SLC30A10: variants seen among roughly 807,000 people sequenced by gnomAD.
SLC30A10 encodes the protein calcium/manganese antiporter SLC30A10.
A neutral mutation model predicts 21.7 loss-of-function variants in SLC30A10; 8 were observed. That is an observed-to-expected ratio of 0.37 (90% CI 0.22 to 0.67). The LOEUF is 0.67. SLC30A10 is among the 30% of genes least tolerant of loss of function. The pLI is 0.58. For missense variants in SLC30A10, 521 were observed against 642.5 expected (o/e 0.81, Z 2.04); for synonymous variants, 272 against 279.4 (o/e 0.97, Z 0.26).
Position 219,927,838 on chromosome 1 carries a change from C to T in SLC30A10, c.603G>A (p.Lys201=), listed in dbSNP as rs776981579. 1 of 1,548,668 alleles carries T rather than the reference C, an allele frequency of 6.5e-7. No individual in the cohort carries two copies. The highest frequency in any genetic ancestry group is 1.2e-5 in the South Asian group (1 of 84,004). The change falls in exon 1 of 4, where the codon AAG becomes AAA. Residue 201 remains lysine, a synonymous_variant. Transcript: ENST00000366926. ...CGAACACGGTCGCCCCCTTCTCCCGCTTCCTTTCCACCGAGGTCCCCCGGA... is the reference window on the plus strand; with the variant it reads ...CGAACACGGTCGCCCCCTTCTCCCGTTTCCTTTCCACCGAGGTCCCCCGGA... ...VTLRGTSVER[K]REKGATVFAN...
At chr1:219,927,399 G>C (rs1659854586) in intron 1 of SLC30A10, among the ~76,000 whole-genome samples, 2 of 151,992 alleles carry the variant, frequency 1.3e-5, no homozygotes, top group African/African-American at 2.4e-5. Context: ...GGCAAAGAGG[G>C]GGGGAGAACA....
upstream of SLC30A10, among the ~76,000 whole-genome samples, chr1:219,930,513 G>C (rs1490268517): frequency 6.6e-6 from 1 of 151,992 alleles, no homozygotes; most frequent in Non-Finnish European, 1.5e-5. Flanking sequence ...CTAACCTCTA[G>C]CCCTATTCAT....
At chr1:219,935,331 T>G (rs1435469025) in intron 1 of SLC30A10, among the ~76,000 whole-genome samples, 1 of 152,200 alleles carries the variant, frequency 6.6e-6, no homozygotes, top group Admixed American at 6.5e-5. Context: ...TTCGCCTTAA[T>G]TTTTAGACTA....
upstream of SLC30A10, among the ~76,000 whole-genome samples, chr1:219,932,788 G>T (rs551849433): frequency 6.7e-6 from 1 of 148,380 alleles, no homozygotes; most frequent in East Asian, 2.0e-4. Flanking sequence ...GAGGCCAGGC[G>T]AGGTGGCTCA....
intron 1 of SLC30A10, among the ~76,000 whole-genome samples, chr1:219,950,405 C>G (rs373092181): frequency 6.6e-6 from 1 of 152,108 alleles, no homozygotes; most frequent in South Asian, 2.1e-4. Flanking sequence ...TTTGGGAGGC[C>G]GAGGTGGGTG....
intron 1 of SLC30A10, among the ~76,000 whole-genome samples, chr1:219,948,645 A>C (rs1660223544): frequency 6.6e-6 from 1 of 152,226 alleles, no homozygotes; most frequent in Non-Finnish European, 1.5e-5. Flanking sequence ...GTTAGACCTA[A>C]AACCACAAAA....
At chr1:219,957,294 A>G (rs1164700918) in intron 1 of SLC30A10, among the ~76,000 whole-genome samples, 1 of 152,186 alleles carries the variant, frequency 6.6e-6, no homozygotes, top group Non-Finnish European at 1.5e-5. Context: ...GAAAATCGAC[A>G]CAGAGGTAGG....
intron 1 of SLC30A10, among the ~76,000 whole-genome samples, chr1:219,936,453 C>T (rs894587838): frequency 5.3e-5 from 8 of 152,138 alleles, no homozygotes; most frequent in Admixed American, 3.9e-4. Flanking sequence ...CCCTGCTTTC[C>T]TGTGGTAAGA....
chr1:219,946,909 A>G (rs1660192512), intron 1 of SLC30A10, among the ~76,000 whole-genome samples: 1 of 152,158 alleles, frequency 6.6e-6, no homozygotes, highest in African/African-American at 2.4e-5. Context: ...TTTATGAATG[A>G]AGTTGTTTAT....
chr1:219,922,548 C>A (rs1257602494), intron 2 of SLC30A10, among the ~76,000 whole-genome samples: 1 of 152,082 alleles, frequency 6.6e-6, no homozygotes, highest in East Asian at 1.9e-4. Context: ...ACGCTGGAGG[C>A]TGACGTGCTA....
chr1:219,917,803 C>T (rs1317782166), intron 3 of SLC30A10, among the ~76,000 whole-genome samples: 5 of 150,856 alleles, frequency 3.3e-5, no homozygotes, highest in Admixed American at 6.6e-5. Flanking sequence ...CTCCGCCTCC[C>T]GGGTTCAAGC....
chr1:219,925,517 G>C (rs899547168), intron 2 of SLC30A10, among the ~76,000 whole-genome samples: 1 of 150,644 alleles, frequency 6.6e-6, no homozygotes, highest in African/African-American at 2.4e-5. Flanking sequence ...CTGGGAGACA[G>C]AGCAGGACTC....
intron 1 of SLC30A10, among the ~76,000 whole-genome samples, chr1:219,934,183 G>C (rs1400821023): frequency 6.6e-6 from 1 of 152,212 alleles, no homozygotes; most frequent in Non-Finnish European, 1.5e-5. Context: ...AGCTACTCGG[G>C]AGGCTGAGGC....
chr1:219,917,370 A>G (rs942329019), intron 3 of SLC30A10, among the ~76,000 whole-genome samples: 1 of 152,050 alleles, frequency 6.6e-6, no homozygotes, highest in African/African-American at 2.4e-5. Context: ...ATTTCTTTGT[A>G]TATGTTTATC....
chr1:219,953,830 C>G (rs1300155044), intron 1 of SLC30A10, among the ~76,000 whole-genome samples: 1 of 151,708 alleles, frequency 6.6e-6, no homozygotes, highest in South Asian at 2.1e-4. Context: ...CCTCAGCCTC[C>G]CGAGTAGCTG....
In SLC30A10 at chr1:219,913,539, G is replaced by A. The variant is rs561458932; in HGVS notation, c.*1910C>T. On this transcript the variant is annotated 3_prime_UTR_variant, in exon 4 of 4. Transcript: ENST00000366926. Reference sequence around the variant, plus strand: ...TTGGCTCTAAGGAATTTCAACCAATGTTTATGTAGGAGAATCTGGCCCACT... The same window carrying A: ...TTGGCTCTAAGGAATTTCAACCAATATTTATGTAGGAGAATCTGGCCCACT... 2 of 152,252 alleles carry A rather than the reference G, an allele frequency of 1.3e-5. No individual in the cohort carries two copies. Among genetic ancestry groups the A allele is most frequent in the South Asian group, 4.1e-4 (2 of 4,828 alleles). The allele number at this position is 152,252 out of a possible 1,614,324, so 9.4% of individuals were successfully genotyped here.
Position 219,918,004 on chromosome 1 carries a change from T to G in SLC30A10, c.958+251A>C, listed in dbSNP as rs1031322072. On this transcript the variant is annotated intron_variant, in intron 3 of 3. Coordinates refer to ENST00000366926, the MANE Select transcript of SLC30A10 (RefSeq NM_018713.3). The surrounding 1 kb of genome is among the most constrained non-coding windows in gnomAD (Gnocchi z 4.4). Reference sequence around the variant, plus strand: ...CCAGGATTACAGGCGTGAGCCACCATGCCCAGACCAAGTATTGCATTCTTA... The same window carrying G: ...CCAGGATTACAGGCGTGAGCCACCAGGCCCAGACCAAGTATTGCATTCTTA... Among the ~76,000 whole-genome samples the G allele has an allele frequency of 5.3e-5, 8 of 152,188 alleles. No homozygotes were observed. Among genetic ancestry groups the G allele is most frequent in the African/African-American group, 1.9e-4 (8 of 41,462 alleles).
intron 1 of SLC30A10, 118 bp downstream of exon 1, chr1:219,927,683 A>ACC: frequency 1.3e-6 from 1 of 799,980 alleles, no homozygotes; most frequent in Non-Finnish European, 1.6e-6. Context: ...AACAACAAAA[A>ACC]AAAAAAAACA....
chr1:219,953,059 C>T (rs1289548898), intron 1 of SLC30A10, among the ~76,000 whole-genome samples: 1 of 152,160 alleles, frequency 6.6e-6, no homozygotes, highest in Non-Finnish European at 1.5e-5. Context: ...GTGGTGTGTG[C>T]ATTCTTATCA....
Sources: allele counts gnomAD v4.1 joint callset (sites outside exome capture counted in the v4.1 genomes callset), GRCh38; gene constraint gnomAD v4.1.1; non-coding constraint Gnocchi (gnomAD v3.1); transcripts MANE v1.5; gene names NCBI Gene and HGNC (gene_info 2026-07-23, HGNC 2026-07-21).